Variants in TRPC5 observed in about 807,000 individuals in gnomAD.
The protein encoded by TRPC5 is transient receptor potential cation channel subfamily C member 5, also known as short transient receptor potential channel 5.
Under a neutral mutation model 56.5 loss-of-function variants are expected in TRPC5, and 9 were observed. That is an observed-to-expected ratio of 0.16 (90% CI 0.10 to 0.28). TRPC5 has a LOEUF of 0.28. Ranked by LOEUF, TRPC5 falls within the 10% of genes least tolerant of loss-of-function variation. TRPC5 has a pLI of 1.00. For synonymous variants in TRPC5, 282 were observed against 278.5 expected, an observed-to-expected ratio of 1.01 and a Z score of -0.13; for missense variants, 469 against 748.9, an observed-to-expected ratio of 0.63 and a Z score of 4.36.
chrX:111,817,517 G>A (rs1278753122), intron 7 of TRPC5, among the ~76,000 whole-genome samples: 3 of 109,268 alleles, frequency 2.7e-5, no homozygotes, highest in African/African-American at 3.3e-5. Context: ...GTAGAGACGG[G>A]GTTTCACTGT....
intron 1 of TRPC5, among the ~76,000 whole-genome samples, chrX:112,022,983 G>A (rs1046161170): frequency 9.0e-6 from 1 of 110,616 alleles, no homozygotes; most frequent in African/African-American, 3.3e-5. Flanking sequence ...CACCCAAGCT[G>A]GAGTGCAGTG....
chrX:111,823,406 C>G (rs973825983), intron 7 of TRPC5, among the ~76,000 whole-genome samples: 1 of 111,650 alleles, frequency 9.0e-6, no homozygotes, highest in Non-Finnish European at 1.9e-5. Flanking sequence ...AGTATAATGT[C>G]AAGAGAGGCT....
At chrX:112,046,213 T>TG (rs1930018483) in intron 1 of TRPC5, among the ~76,000 whole-genome samples, 1 of 100,106 alleles carries the variant, frequency 1.0e-5, no homozygotes, top group Non-Finnish European at 2.0e-5. Flanking sequence ...TTTTTTTTTT[T>TG]GCTTTATTTC....
rs1380082237 is a variant in TRPC5 at position 111,768,784 on chromosome X, T to C, written c.*7529A>G. 8.9e-6 allele frequency among the ~76,000 whole-genome samples: 1 copy of C among 111,846 alleles called. No individual in the cohort carries two copies. Among genetic ancestry groups the C allele is most frequent in the East Asian group, 2.8e-4 (1 of 3,587 alleles). On this transcript the variant is annotated 3_prime_UTR_variant, in exon 11 of 11. Transcript: ENST00000262839. ...GGACTCTTCATGTGCTCACATAATA[T>C]TCATTTTGGTGTCATTGGTCCCACT...
intron 9 of TRPC5, 31 bp from the exon 10 acceptor site, chrX:111,779,105 G>C (rs779967216): frequency 9.5e-7 from 1 of 1,056,805 alleles, no homozygotes; most frequent in African/African-American, 1.8e-5. Flanking sequence ...GAAGCATTCA[G>C]TCTCCTTCTC....
chrX:111,841,041 G>A (rs1405730124), intron 6 of TRPC5, among the ~76,000 whole-genome samples: 1 of 111,813 alleles, frequency 8.9e-6, no homozygotes, highest in Non-Finnish European at 1.9e-5. Context: ...GGAATTAGGA[G>A]GAAAAGCCAG....
At chrX:112,071,063 G>A (rs1930706892) in intron 1 of TRPC5, among the ~76,000 whole-genome samples, 1 of 111,151 alleles carries the variant, frequency 9.0e-6, no homozygotes, top group South Asian at 3.8e-4. Flanking sequence ...TGGATCACTT[G>A]AGCCCAGGAG....
chrX:112,016,464 T>C (rs1929127928), intron 1 of TRPC5, among the ~76,000 whole-genome samples: 1 of 110,982 alleles, frequency 9.0e-6, no homozygotes, highest in Non-Finnish European at 1.9e-5. Context: ...TTCTCTTATA[T>C]AGTCCAAGGT....
At chrX:112,014,852 G>A (rs963113709) in intron 1 of TRPC5, among the ~76,000 whole-genome samples, 1 of 111,173 alleles carries the variant, frequency 9.0e-6, no homozygotes, top group African/African-American at 3.3e-5. Context: ...AGAATTACCT[G>A]GGTAGCTTTG....
intron 7 of TRPC5, among the ~76,000 whole-genome samples, chrX:111,788,327 A>G (rs1945987129): frequency 8.9e-6 from 1 of 111,864 alleles, no homozygotes; most frequent in Admixed American, 9.5e-5. Flanking sequence ...TGATTATCTC[A>G]ATAGATGCAG....
intron 1 of TRPC5, among the ~76,000 whole-genome samples, chrX:112,012,428 A>G (rs1378505902): frequency 9.1e-6 from 1 of 109,480 alleles, no homozygotes; most frequent in Admixed American, 9.9e-5. Flanking sequence ...GCAGGCAGCC[A>G]GGATCTCACA....
intron 1 of TRPC5, among the ~76,000 whole-genome samples, chrX:112,061,477 G>T (rs147101528): frequency 5.1e-4 from 57 of 112,000 alleles, no homozygotes; most frequent in African/African-American, 1.8e-3. Flanking sequence ...TTAGTCTTCA[G>T]ATCTGAGATG....
At chrX:111,886,134 G>T (rs535002869) in intron 3 of TRPC5, among the ~76,000 whole-genome samples, 1 of 111,496 alleles carries the variant, frequency 9.0e-6, no homozygotes, top group Non-Finnish European at 1.9e-5. Flanking sequence ...ATAAAAAATA[G>T]TTGGGCATGG....
At chrX:111,876,690 A>G (rs1179618698) in intron 3 of TRPC5, among the ~76,000 whole-genome samples, 1 of 111,436 alleles carries the variant, frequency 9.0e-6, no homozygotes, top group Non-Finnish European at 1.9e-5. Context: ...CAAGGCTTTA[A>G]TGAGTCTCTA....
At chrX:111,844,418 C>T (rs1922860916) in intron 6 of TRPC5, among the ~76,000 whole-genome samples, 1 of 110,407 alleles carries the variant, frequency 9.1e-6, no homozygotes, top group Non-Finnish European at 1.9e-5. Context: ...AAATTGTATG[C>T]CTGAGGAGAA....
At chrX:111,822,569 T>C (rs1922066385) in intron 7 of TRPC5, among the ~76,000 whole-genome samples, 1 of 111,968 alleles carries the variant, frequency 8.9e-6, no homozygotes, top group Non-Finnish European at 1.9e-5. Context: ...AGTTCCATGA[T>C]TGGACAGTCC....
At chrX:112,007,019 C>T (rs1211114021) in intron 1 of TRPC5, among the ~76,000 whole-genome samples, 3 of 110,922 alleles carry the variant, frequency 2.7e-5, no homozygotes, top group Non-Finnish European at 3.8e-5. Flanking sequence ...GATAGGAAGG[C>T]AGTCAAGAAG....
At position 112,041,768 on chromosome X, in the gene TRPC5, C is replaced by T. The variant is rs761002798; in HGVS notation, c.-22+40111G>A. ...GAGATCTTGCTGAAGTTTTGTTTGC[C>T]GATTTCCGGACCAGTGCCTTGAAAA... is the stretch of plus-strand genomic sequence containing the variant. On this transcript the variant is annotated intron_variant, in intron 1 of 10. Transcript: ENST00000262839. Among the ~76,000 whole-genome samples the T allele has an allele frequency of 8.9e-5, 10 of 111,832 alleles. No individual in the cohort carries two copies. The South Asian group carries it at 3.4e-3, about 38-fold the overall frequency.
At chrX:111,793,516 A>G (rs1353027998) in intron 7 of TRPC5, among the ~76,000 whole-genome samples, 4 of 111,776 alleles carry the variant, frequency 3.6e-5, no homozygotes, top group Non-Finnish European at 5.6e-5. Flanking sequence ...CTCATACCCA[A>G]TAGGATGACT....
Sources: gnomAD v4.1 joint callset for allele counts (sites outside exome capture counted in the v4.1 genomes callset) on GRCh38, gnomAD v4.1.1 for gene constraint, MANE v1.5 for transcripts, NCBI Gene and HGNC (gene_info 2026-07-23, HGNC 2026-07-21) for gene names.